The following CHLSN variants were observed in gnomAD, a reference collection of about 807,000 sequenced individuals.
CHLSN encodes the protein cholesin.
chr7:999,322 G>A, the CHLSN span, among the ~76,000 whole-genome samples: 1 of 152,264 alleles, frequency 6.6e-6, no homozygotes, highest in Non-Finnish European at 1.5e-5. Context: ...GGAATCAGCT[G>A]CGCCGGGCGT....
the CHLSN span, chr7:1,057,668 C>T: frequency 1.3e-6 from 1 of 771,152 alleles, no homozygotes; most frequent in African/African-American, 1.7e-5. Flanking sequence ...TGGTGCTGGC[C>T]AACCTACACA....
chr7:1,016,477 ACAG>A, the CHLSN span, among the ~76,000 whole-genome samples: 55 of 139,428 alleles, frequency 3.9e-4, no homozygotes, highest in Admixed American at 9.3e-4. Flanking sequence ...ACATAGCAGC[ACAG>A]CAGCACACAG....
At chr7:1,093,464 T>C in the CHLSN span, 1 of 468,536 alleles carries the variant, frequency 2.1e-6, no homozygotes, top group East Asian at 7.0e-5. Context: ...AATGGCGCTG[T>C]GCGGCCTCAC....
At chr7:1,004,923 GAGA>G in the CHLSN span, among the ~76,000 whole-genome samples, 1 of 152,294 alleles carries the variant, frequency 6.6e-6, no homozygotes, top group Non-Finnish European at 1.5e-5. Context: ...GCGTCCCAGA[GAGA>G]AGAACCTCCT....
the CHLSN span, among the ~76,000 whole-genome samples, chr7:1,101,126 C>T: frequency 1.4e-4 from 21 of 152,256 alleles, no homozygotes; most frequent in African/African-American, 4.3e-4. Context: ...CGAGGGCAGG[C>T]GTGTACGTGC....
At chr7:1,031,281 G>C in the CHLSN span, among the ~76,000 whole-genome samples, 2 of 152,240 alleles carry the variant, frequency 1.3e-5, no homozygotes, top group African/African-American at 4.8e-5. Flanking sequence ...TTAAGGGTAG[G>C]CTGTTTTTCT....
the CHLSN span, among the ~76,000 whole-genome samples, chr7:1,006,805 G>A: frequency 3.3e-5 from 5 of 152,144 alleles, no homozygotes; most frequent in South Asian, 2.1e-4. Flanking sequence ...AGCGCATGAC[G>A]GCCACAATCC....
chr7:1,007,817 G>A, the CHLSN span, among the ~76,000 whole-genome samples: 1 of 152,152 alleles, frequency 6.6e-6, no homozygotes, highest in East Asian at 1.9e-4. Flanking sequence ...TGAGGCTGAG[G>A]ACAGGAGCAG....
the CHLSN span, chr7:987,519 C>T: frequency 9.8e-6 from 15 of 1,527,386 alleles, no homozygotes; most frequent in African/African-American, 1.4e-5. Flanking sequence ...TGGGCGGCTT[C>T]CTGCTCCCCA....
At chr7:1,040,616 A>C in the CHLSN span, among the ~76,000 whole-genome samples, 2 of 152,134 alleles carry the variant, frequency 1.3e-5, no homozygotes, top group Non-Finnish European at 2.9e-5. Context: ...GTAGGAGAAA[A>C]TGTTTGGGAC....
the CHLSN span, among the ~76,000 whole-genome samples, chr7:1,108,593 C>T: frequency 3.9e-5 from 6 of 152,322 alleles, no homozygotes; most frequent in African/African-American, 1.4e-4. Context: ...TCTATCCACC[C>T]CAGCTTCCCT....
the CHLSN span, among the ~76,000 whole-genome samples, chr7:1,023,196 G>A: frequency 1.7e-3 from 261 of 152,336 alleles, 2 homozygotes; most frequent in African/African-American, 6.0e-3. The surrounding 1 kb of genome is among the most constrained non-coding windows in gnomAD (Gnocchi z 5.0). Context: ...AGCAGATGTG[G>A]GCATCCGAGT....
At chr7:1,000,508 G>C in the CHLSN span, 18 of 1,609,442 alleles carry the variant, frequency 1.1e-5, no homozygotes, top group Non-Finnish European at 1.5e-5. Flanking sequence ...AGCCACGTCT[G>C]CCTCGTCTTC....
the CHLSN span, chr7:997,639 G>T: frequency 1.2e-6 from 2 of 1,606,804 alleles, no homozygotes; most frequent in Non-Finnish European, 8.5e-7. Flanking sequence ...GAGAGCAGCT[G>T]CAGCACCTGT....
the CHLSN span, among the ~76,000 whole-genome samples, chr7:1,113,884 C>T: frequency 3.3e-5 from 5 of 152,220 alleles, no homozygotes; most frequent in African/African-American, 9.6e-5. Flanking sequence ...CAGGAGGCCA[C>T]GCTCTGCTCC....
chr7:1,011,791 A>G, the CHLSN span, among the ~76,000 whole-genome samples: 2 of 152,210 alleles, frequency 1.3e-5, no homozygotes, highest in African/African-American at 2.4e-5. Flanking sequence ...AGAGCCTGCC[A>G]GGGGTCCGCA....
At chr7:1,126,048 A>G in the CHLSN span, among the ~76,000 whole-genome samples, 1 of 152,208 alleles carries the variant, frequency 6.6e-6, no homozygotes, top group Non-Finnish European at 1.5e-5. Flanking sequence ...GATACAGTAC[A>G]TAATAAAATA....
the CHLSN span, among the ~76,000 whole-genome samples, chr7:1,101,432 G>C: frequency 6.6e-6 from 1 of 151,866 alleles, no homozygotes; most frequent in Non-Finnish European, 1.5e-5. Context: ...GTCGGACCAG[G>C]GGCTGGCTCT....
the CHLSN span, among the ~76,000 whole-genome samples, chr7:1,009,067 G>A: frequency 6.3e-5 from 8 of 126,588 alleles, no homozygotes; most frequent in East Asian, 2.3e-4. Flanking sequence ...GCACGTGCAC[G>A]CAGCGTGCAC....
Sources: gnomAD v4.1 joint callset for allele counts (sites outside exome capture counted in the v4.1 genomes callset) on GRCh38, gnomAD v4.1.1 for gene constraint, Gnocchi (gnomAD v3.1) non-coding constraint, MANE v1.5 for transcripts, NCBI Gene and HGNC (gene_info 2026-07-23, HGNC 2026-07-21) for gene names.